P3H2: variants seen among roughly 807,000 people sequenced by gnomAD.
P3H2 encodes the protein prolyl 3-hydroxylase 2, also known as leprecan-like 1.
A neutral mutation model predicts 87.0 loss-of-function variants in P3H2; 80 were observed. The ratio of observed to expected loss-of-function variants is 0.92; its 90% CI spans 0.77 to 1.11. The LOEUF is 1.11. Among genes scored for constraint, P3H2 ranks in the 50% least tolerant of loss-of-function variants. The pLI is 0.00. For synonymous variants in P3H2, 367 were observed against 359.3 expected, an observed-to-expected ratio of 1.02 and a Z score of -0.24; for missense variants, 1,001 against 923.9, an observed-to-expected ratio of 1.08 and a Z score of -1.08.
intron 1 of P3H2, among the ~76,000 whole-genome samples, chr3:190,073,658 T>C (rs550108203): frequency 6.6e-6 from 1 of 152,290 alleles, no homozygotes; most frequent in Non-Finnish European, 1.5e-5. Flanking sequence ...GTGTAAATAG[T>C]AGGGCCAGAA....
intron 1 of P3H2, among the ~76,000 whole-genome samples, chr3:190,105,277 T>C (rs1711786943): frequency 6.6e-6 from 1 of 152,228 alleles, no homozygotes; most frequent in Non-Finnish European, 1.5e-5. Flanking sequence ...GAGATCTTGT[T>C]TTCTGTAATT....
intron 1 of P3H2, among the ~76,000 whole-genome samples, chr3:190,066,855 A>T (rs775307827): frequency 6.6e-6 from 1 of 152,064 alleles, no homozygotes; most frequent in Non-Finnish European, 1.5e-5. Flanking sequence ...GCTTTTGCTC[A>T]TGATGTTCCT....
intron 1 of P3H2, among the ~76,000 whole-genome samples, chr3:190,114,079 CA>C (rs1220002187): frequency 0.11 from 8,540 of 79,044 alleles, 408 homozygotes; most frequent in African/African-American, 0.22. Context: ...GACTCCGTCT[CA>C]AAAAAAAAAA....
At chr3:189,970,224 G>A (rs866730383) in intron 13 of P3H2, among the ~76,000 whole-genome samples, 1 of 43,596 alleles carries the variant, frequency 2.3e-5, no homozygotes. Flanking sequence ...ATATATATAT[G>A]AGGCCATGTC....
chr3:190,103,304 A>G (rs1711703350), intron 1 of P3H2, among the ~76,000 whole-genome samples: 1 of 152,248 alleles, frequency 6.6e-6, no homozygotes, highest in Admixed American at 6.5e-5. Context: ...ACTATCAGCC[A>G]TATGTAAATG....
intron 1 of P3H2, among the ~76,000 whole-genome samples, chr3:190,078,457 A>G (rs1726939085): frequency 6.6e-6 from 1 of 152,202 alleles, no homozygotes; most frequent in South Asian, 2.1e-4. Flanking sequence ...ATTTCAATAA[A>G]TGAAATCTGT....
At chr3:189,978,743 G>C (rs897155511) in intron 8 of P3H2, among the ~76,000 whole-genome samples, 1 of 150,576 alleles carries the variant, frequency 6.6e-6, no homozygotes, top group Non-Finnish European at 1.5e-5. Flanking sequence ...AAGTCAACCA[G>C]CCTCCATATG....
At chr3:190,101,576 G>A (rs151296171) in intron 1 of P3H2, among the ~76,000 whole-genome samples, 161 of 151,972 alleles carry the variant, frequency 1.1e-3, no homozygotes, top group African/African-American at 3.8e-3. Flanking sequence ...TTCTGTGAAG[G>A]CTGAGAGAGC....
At chr3:190,108,265 C>T (rs1309925126) in intron 1 of P3H2, among the ~76,000 whole-genome samples, 1 of 152,102 alleles carries the variant, frequency 6.6e-6, no homozygotes, top group Non-Finnish European at 1.5e-5. Flanking sequence ...GATCCTCCCA[C>T]CTCAGCTTCC....
chr3:190,072,078 T>C (rs1577309070), intron 1 of P3H2, among the ~76,000 whole-genome samples: 1 of 150,398 alleles, frequency 6.6e-6, no homozygotes, highest in Admixed American at 6.6e-5. Context: ...ACCTCCCAGG[T>C]TCTCCTTTCT....
At position 189,957,155 on chromosome 3, in the gene P3H2, A is replaced by G; in HGVS notation, c.*757T>C. The stretch of plus-strand genomic sequence containing the variant: ...GACTGAAGTCCCCTCTGTCTCATAC[A>G]GTAATCATCCATGAGATCTCCCGGA... On this transcript the variant is annotated 3_prime_UTR_variant, in exon 15 of 15. Transcript: ENST00000319332. 1 of 398,638 alleles carries G rather than the reference A, an allele frequency of 2.5e-6. No homozygotes were observed. The allele number at this position is 398,638 out of a possible 1,614,324, so 24.7% of individuals were successfully genotyped here. A position where few individuals can be genotyped will look rare whatever the true frequency, so the allele number is the denominator to read the frequency against.
chr3:189,979,019 G>C (rs1330743555), intron 8 of P3H2, among the ~76,000 whole-genome samples: 1 of 152,126 alleles, frequency 6.6e-6, no homozygotes, highest in Non-Finnish European at 1.5e-5. Context: ...CTCACTGTCT[G>C]GCTCATGGCA....
chr3:190,121,655 G>A (rs1027752250), upstream of P3H2: 1 of 152,226 alleles, frequency 6.6e-6, no homozygotes, highest in Non-Finnish European at 1.5e-5. Context: ...AGGGCCCAGA[G>A]AACCTTTGGA....
In P3H2 at chr3:189,995,239, C is replaced by T. The variant is rs143385009; in HGVS notation, c.633+51G>A. 7.6e-6 allele frequency: 12 copies of T among 1,584,132 alleles called. No homozygotes were observed. In the African/African-American group the frequency reaches 1.5e-4, roughly 20 times the overall value. On this transcript the variant is annotated intron_variant, in intron 2 of 14. Coordinates refer to ENST00000319332, the MANE Select transcript of P3H2 (RefSeq NM_018192.4). ...GAAATTTGCTGTGACTCAGATGAAA[C>T]TTAGGAGCACTTAGCTCCCTGTGGT...
chr3:190,110,418 T>C (rs1004063522), intron 1 of P3H2, among the ~76,000 whole-genome samples: 2 of 152,220 alleles, frequency 1.3e-5, no homozygotes, highest in African/African-American at 4.8e-5. Context: ...GAAATGCTTA[T>C]TGACCTGAAA....
At chr3:190,069,422 G>A in intron 1 of P3H2, among the ~76,000 whole-genome samples, 1 of 152,144 alleles carries the variant, frequency 6.6e-6, no homozygotes, top group East Asian at 1.9e-4. Context: ...TAGTCTCAGT[G>A]TAAATCTTAT....
intron 1 of P3H2, among the ~76,000 whole-genome samples, chr3:190,094,393 A>T (rs1727505554): frequency 6.6e-6 from 1 of 152,190 alleles, no homozygotes. Flanking sequence ...TACATATCTG[A>T]TGTCCTTGAA....
chr3:190,030,740 T>C (rs1725226074), intron 1 of P3H2, among the ~76,000 whole-genome samples: 1 of 152,136 alleles, frequency 6.6e-6, no homozygotes, highest in Admixed American at 6.5e-5. Context: ...AATAATCTGT[T>C]AGTGAGAGAA....
intron 1 of P3H2, among the ~76,000 whole-genome samples, chr3:190,034,189 G>T (rs1560371440): frequency 6.6e-6 from 1 of 150,602 alleles, no homozygotes; most frequent in Non-Finnish European, 1.5e-5. Context: ...CAAAGGACTA[G>T]ATAAAGGGAT....
Sources: allele counts gnomAD v4.1 joint callset (sites outside exome capture counted in the v4.1 genomes callset), GRCh38; gene constraint gnomAD v4.1.1; transcripts MANE v1.5; gene names NCBI Gene and HGNC (gene_info 2026-07-23, HGNC 2026-07-21).